GPC6: variants seen among roughly 807,000 people sequenced by gnomAD.
GPC6 encodes glypican-6.
In GPC6, 14 loss-of-function variants were observed where a neutral mutation model predicts 55.2. The ratio of observed to expected loss-of-function variants is 0.25; its 90% confidence interval spans 0.17 to 0.40. GPC6 has a LOEUF of 0.40. Among genes scored for constraint, GPC6 ranks in the 10% least tolerant of loss-of-function variants. The probability of loss-of-function intolerance (pLI) is 1.00; values close to 1 mark genes in which losing one functional copy is unlikely to be tolerated. For missense variants in GPC6, 641 were observed against 708.5 expected (o/e 0.90, Z 1.08); for synonymous variants, 278 against 259.6 (o/e 1.07, Z -0.68).
At chr13:94,292,637 C>G (rs1173908041) in intron 5 of GPC6, among the ~76,000 whole-genome samples, 1 of 151,938 alleles carries the variant, frequency 6.6e-6, no homozygotes, top group African/African-American at 2.4e-5. Context: ...ATGTATCTCT[C>G]TTATGTATAT....
intron 6 of GPC6, among the ~76,000 whole-genome samples, chr13:94,374,725 C>A (rs1209982153): frequency 2.0e-5 from 3 of 147,246 alleles, no homozygotes; most frequent in African/African-American, 7.8e-5. Context: ...TAGACATCTA[C>A]AGAACTCTCC....
At chr13:94,374,399 G>A (rs1879737116) in intron 6 of GPC6, among the ~76,000 whole-genome samples, 1 of 149,600 alleles carries the variant, frequency 6.7e-6, no homozygotes, top group East Asian at 2.0e-4. Context: ...AACAAAAAAA[G>A]GCAGGGGTTG....
At chr13:93,600,250 T>G (rs1197023146) in intron 2 of GPC6, among the ~76,000 whole-genome samples, 1 of 152,224 alleles carries the variant, frequency 6.6e-6, no homozygotes, top group East Asian at 1.9e-4. Flanking sequence ...CAGGACCTTC[T>G]ATTCCAGTCT....
intron 4 of GPC6, among the ~76,000 whole-genome samples, chr13:94,202,938 A>G (rs891838059): frequency 1.3e-5 from 2 of 152,128 alleles, no homozygotes; most frequent in South Asian, 2.1e-4. Flanking sequence ...CATGAAAGGT[A>G]GAAAATTTAA....
intron 2 of GPC6, among the ~76,000 whole-genome samples, chr13:93,794,756 A>G (rs4556670): frequency 0.33 from 50,051 of 151,978 alleles, 8,636 homozygotes; most frequent in African/African-American, 0.43. Context: ...CTCAAGGATC[A>G]AAACAGGGCA....
At chr13:94,016,923 C>G (rs1335604618) in intron 3 of GPC6, among the ~76,000 whole-genome samples, 3 of 152,082 alleles carry the variant, frequency 2.0e-5, no homozygotes, top group Non-Finnish European at 4.4e-5. Flanking sequence ...CAACCTCCGC[C>G]TCCTGGGTTC....
chr13:93,771,728 T>A (rs9524206), intron 2 of GPC6, among the ~76,000 whole-genome samples: 142,364 of 150,804 alleles, frequency 0.94, 67,108 homozygotes, highest in African/African-American at 0.98. Context: ...ATAATAATAA[T>A]AAAAAAAGTC....
At chr13:94,014,541 G>A (rs2138703377) in intron 3 of GPC6, among the ~76,000 whole-genome samples, 1 of 152,176 alleles carries the variant, frequency 6.6e-6, no homozygotes, top group African/African-American at 2.4e-5. Context: ...TACTATAAAA[G>A]TTCACCCGTT....
chr13:93,315,507 G>A (rs1879216315), intron 1 of GPC6, among the ~76,000 whole-genome samples: 1 of 151,824 alleles, frequency 6.6e-6, no homozygotes, highest in Non-Finnish European at 1.5e-5. Flanking sequence ...GAATAGATAA[G>A]GCTTTACATA....
chr13:93,989,085 A>C (rs112322685), intron 3 of GPC6, among the ~76,000 whole-genome samples: 1 of 152,170 alleles, frequency 6.6e-6, no homozygotes, highest in Non-Finnish European at 1.5e-5. Context: ...ATTGGAAAAA[A>C]AAGTGTAATC....
At chr13:94,194,578 C>T (rs963306989) in intron 4 of GPC6, among the ~76,000 whole-genome samples, 3 of 152,048 alleles carry the variant, frequency 2.0e-5, no homozygotes, top group African/African-American at 7.2e-5. Flanking sequence ...AAGAATGATA[C>T]AGTGGACTTT....
At chr13:93,447,961 C>T (rs1163194752) in intron 1 of GPC6, among the ~76,000 whole-genome samples, 2 of 152,140 alleles carry the variant, frequency 1.3e-5, no homozygotes, top group Non-Finnish European at 2.9e-5. Context: ...CTATTCATTG[C>T]TGAGTTAAAC....
At chr13:93,837,716 C>CA (rs1312196195) in intron 3 of GPC6, among the ~76,000 whole-genome samples, 1 of 152,056 alleles carries the variant, frequency 6.6e-6, no homozygotes, top group Non-Finnish European at 1.5e-5. Context: ...ATTTATTATG[C>CA]AATAAATGCT....
intron 4 of GPC6, among the ~76,000 whole-genome samples, chr13:94,103,626 C>T (rs1006949701): frequency 7.2e-5 from 11 of 152,330 alleles, no homozygotes; most frequent in African/African-American, 2.4e-4. Flanking sequence ...TTGCATTTCT[C>T]TGATGAGCAG....
chr13:93,708,856 G>T (rs1345353656), intron 2 of GPC6, among the ~76,000 whole-genome samples: 1 of 151,686 alleles, frequency 6.6e-6, no homozygotes, highest in Non-Finnish European at 1.5e-5. Flanking sequence ...CTCCTCCCAG[G>T]TGTGATGCTG....
At position 94,406,751 on chromosome 13, in the gene GPC6, G is replaced by GA. The variant is rs1005587929; in HGVS notation, c.*3540dup. On this transcript the variant is annotated 3_prime_UTR_variant, in exon 9 of 9. Coordinates refer to ENST00000377047, the MANE Select transcript of GPC6 (RefSeq NM_005708.5). ...AACACGAACTAAAGTCCCTAAGGAG[G>GA]AAAAAACCTTAACATATTCCTGAGA... is the stretch of plus-strand genomic sequence containing the variant. 1.3e-5 allele frequency: 2 copies of GA among 151,986 alleles called. No homozygotes were observed. The highest frequency in any genetic ancestry group is 1.3e-4 in the Admixed American group (2 of 15,266). 9.4% of individuals were successfully genotyped at this position (151,986 alleles called of 1,614,324 possible).
At position 94,404,896 on chromosome 13, in the gene GPC6, A is replaced by T. The variant is rs1211438782; in HGVS notation, c.*1679A>T. ...CAAAATAAACCCAACTGGGGGCTTT[A>T]TGAATACAGTTGGCTATCCATATGT... On this transcript the variant is annotated 3_prime_UTR_variant, in exon 9 of 9. Coordinates refer to ENST00000377047, the MANE Select transcript of GPC6 (RefSeq NM_005708.5). 6.6e-6 allele frequency: 1 copy of T among 152,206 alleles called. No homozygotes were observed. Among genetic ancestry groups the T allele is most frequent in the African/African-American group, 2.4e-5 (1 of 41,456 alleles). The allele number at this position is 152,206 out of a possible 1,614,324, so 9.4% of individuals were successfully genotyped here.
chr13:93,438,852 T>C (rs186953644), intron 1 of GPC6, among the ~76,000 whole-genome samples: 1 of 152,264 alleles, frequency 6.6e-6, no homozygotes, highest in East Asian at 1.9e-4. Context: ...GGAAACTGTT[T>C]AATGAAGAGA....
chr13:93,940,866 C>T (rs375353128), intron 3 of GPC6, among the ~76,000 whole-genome samples: 10 of 151,962 alleles, frequency 6.6e-5, no homozygotes, highest in African/African-American at 1.4e-4. Flanking sequence ...TTGTTCATGG[C>T]GGGAGGGGTG....
Sources: allele counts gnomAD v4.1 joint callset (sites outside exome capture counted in the v4.1 genomes callset), GRCh38; gene constraint gnomAD v4.1.1; transcripts MANE v1.5; gene names NCBI Gene and HGNC (gene_info 2026-07-23, HGNC 2026-07-21).